SLC12A2: variants seen among roughly 807,000 people sequenced by gnomAD.
SLC12A2 encodes the protein solute carrier family 12 member 2.
In SLC12A2, 67 loss-of-function variants were observed where a neutral mutation model predicts 136.3. The ratio of observed to expected loss-of-function variants is 0.49; its 90% confidence interval spans 0.40 to 0.60. The LOEUF is 0.60. SLC12A2 is among the 20% of genes least tolerant of loss of function. The probability of loss-of-function intolerance (pLI) is 0.00; values close to 1 mark genes in which losing one functional copy is unlikely to be tolerated. For missense variants in SLC12A2, 1,322 were observed against 1,534.7 expected, an observed-to-expected ratio of 0.86 and a Z score of 2.32; for synonymous variants, 619 against 562.9, an observed-to-expected ratio of 1.10 and a Z score of -1.41.
intron 1 of SLC12A2, among the ~76,000 whole-genome samples, chr5:128,088,041 C>T (rs376504128): frequency 4.2e-5 from 2 of 47,830 alleles, no homozygotes; most frequent in African/African-American, 1.5e-4. Flanking sequence ...GTGTGTGTGT[C>T]TGTATATAAA....
In SLC12A2 at chr5:128,184,416, A is replaced by T; in HGVS notation, c.3350A>T (p.Asp1117Val). 2 of 1,601,386 alleles carry T rather than the reference A, an allele frequency of 1.2e-6. No homozygotes were observed. Among genetic ancestry groups the T allele is most frequent in the Non-Finnish European group, 1.7e-6 (2 of 1,171,914 alleles). The change falls in exon 25 of 27, where the codon GAT (aspartate) becomes GTT (valine). Residue 1117 changes from aspartate (D) to valine (V), a missense_variant. Physicochemically the swap from Asp to Val is radical, Grantham distance 152 (BLOSUM62 -3). Around this residue, in one of 8 missense-constraint regions of SLC12A2, gnomAD observed 172 missense variants for 227.4 expected, o/e 0.76. Transcript: ENST00000262461. ...GAGCCATACAGACTTCATGAAGATG[A>T]TAAAGAGCAAGATATTGCAGATAAA... Reference protein sequence around the residue: ...IIEPYRLHEDDKEQDIADKMK... With the variant: ...IIEPYRLHEDVKEQDIADKMK...
intron 14 of SLC12A2, 105 bp downstream of exon 14, chr5:128,151,501 T>C (rs1762700326): frequency 9.2e-7 from 1 of 1,083,500 alleles, no homozygotes; most frequent in South Asian, 1.6e-5. Context: ...ATCTTTTGTA[T>C]ATTTGAAAGC....
chr5:128,126,975 T>TAA (rs1561673714), intron 4 of SLC12A2, among the ~76,000 whole-genome samples: 1 of 130,682 alleles, frequency 7.7e-6, no homozygotes, highest in Non-Finnish European at 1.6e-5. Flanking sequence ...TATTTTTTTT[T>TAA]TTTTTTTTTT....
At position 128,124,387 on chromosome 5, in the gene SLC12A2, G is replaced by C. The variant is rs980617233; in HGVS notation, c.1049-6680G>C. 6.2e-4 allele frequency among the ~76,000 whole-genome samples: 94 copies of C among 152,196 alleles called. 1 individual carries two copies. The highest frequency in any genetic ancestry group is 2.2e-3 in the African/African-American group (92 of 41,438). On this transcript the variant is annotated intron_variant, in intron 4 of 26. Coordinates refer to ENST00000262461, the MANE Select transcript of SLC12A2 (RefSeq NM_001046.3). ...TCACAAGACTACTCCCACTTCAAAT[G>C]CCAGTTGCAATTCCAGGCCTCCTGT...
rs1387667371 is a variant in SLC12A2, at chr5:128,178,628, A to G, written c.3039A>G (p.Thr1013=). ...VADQKLLEAS[T]QFQKKQGKNT... ...ACCAAAAGCTTCTTGAAGCTAGTACACAGTTTCAGAAAAAACAAGGAAAGA... is the reference window on the plus strand; with the variant it reads ...ACCAAAAGCTTCTTGAAGCTAGTACGCAGTTTCAGAAAAAACAAGGAAAGA... Residue 1013 remains threonine (T), a synonymous_variant, in exon 22 of 27, where the codon ACA becomes ACG. Coordinates refer to ENST00000262461, the MANE Select transcript of SLC12A2 (RefSeq NM_001046.3). 7 of 1,602,106 alleles carry G rather than the reference A, an allele frequency of 4.4e-6. No individual in the cohort carries two copies. The highest frequency in any genetic ancestry group is 2.7e-5 in the African/African-American group (2 of 74,402).
In SLC12A2 at chr5:128,186,608, A is replaced by C. The variant is rs1763878178; in HGVS notation, c.3616A>C (p.Ser1206Arg). The change falls in exon 27 of 27, where the codon AGT (serine) becomes CGT (arginine). Residue 1206 changes from serine (S) to arginine (R), a missense_variant. Around this residue, in one of 8 missense-constraint regions of SLC12A2, gnomAD observed 172 missense variants for 227.4 expected, o/e 0.76. Coordinates refer to ENST00000262461, the MANE Select transcript of SLC12A2 (RefSeq NM_001046.3). ...CCTCCTAGTTCGTGGGAATCATCAGAGTGTCCTTACCTTCTATTCATAAAT... is the reference window on the plus strand; with the variant it reads ...CCTCCTAGTTCGTGGGAATCATCAGCGTGTCCTTACCTTCTATTCATAAAT... ...PILLVRGNHQ[S>R]VLTFYS 1 of 1,613,908 alleles carries C rather than the reference A, an allele frequency of 6.2e-7. No individual in the cohort carries two copies. The highest frequency in any genetic ancestry group is 1.7e-5 in the Admixed American group (1 of 59,994).
rs770396487 is a variant in SLC12A2, at chr5:128,186,516, A to G, written c.3524A>G (p.Lys1175Arg). 6.2e-7 allele frequency: 1 copy of G among 1,612,214 alleles called. No homozygotes were observed. The highest frequency in any genetic ancestry group is 1.1e-5 in the South Asian group (1 of 90,516). ...ACCAGGAGTCTCCCAGTTGCACGAAAAGGTGCTGTGTCTAGTGCTCTCTAC... is the reference window on the plus strand; with the variant it reads ...ACCAGGAGTCTCCCAGTTGCACGAAGAGGTGCTGTGTCTAGTGCTCTCTAC... Reference protein sequence around the residue: ...IIVMSLPVARKGAVSSALYMA... With the variant: ...IIVMSLPVARRGAVSSALYMA... The change falls in exon 27 of 27, where the codon AAA (lysine) becomes AGA (arginine). Residue 1175 changes from lysine (K) to arginine (R), a missense_variant. By Grantham distance (26) the Lys-to-Arg change is conservative. Around this residue, in one of 8 missense-constraint regions of SLC12A2, gnomAD observed 172 missense variants for 227.4 expected, o/e 0.76. Transcript: ENST00000262461.
intron 6 of SLC12A2, among the ~76,000 whole-genome samples, chr5:128,135,446 C>A (rs1762154158): frequency 6.6e-6 from 1 of 152,046 alleles, no homozygotes; most frequent in Non-Finnish European, 1.5e-5. Context: ...ACATCTTTAA[C>A]TCATTTCAGA....
chr5:128,092,081 GGACCCTAATCATTAGA>G (rs368340377), intron 1 of SLC12A2, among the ~76,000 whole-genome samples: 47 of 152,184 alleles, frequency 3.1e-4, no homozygotes, highest in African/African-American at 1.1e-3. Flanking sequence ...AAGACTTAGA[GGACCCTAATCATTAGA>G]GACCTGCCCT....
At chr5:128,176,887 G>A (rs1415344607) in intron 20 of SLC12A2, among the ~76,000 whole-genome samples, 2 of 151,952 alleles carry the variant, frequency 1.3e-5, no homozygotes, top group Non-Finnish European at 2.9e-5. Flanking sequence ...AAATTTAGGG[G>A]TGTTAGTCAT....
intron 5 of SLC12A2, among the ~76,000 whole-genome samples, chr5:128,131,449 G>A (rs778209182): frequency 3.4e-4 from 51 of 151,324 alleles, no homozygotes; most frequent in Non-Finnish European, 5.6e-4. Context: ...GGATCACGAG[G>A]TCAGGAGATC....
chr5:128,132,197 C>T (rs991353370), intron 5 of SLC12A2, among the ~76,000 whole-genome samples: 17 of 151,694 alleles, frequency 1.1e-4, no homozygotes, highest in African/African-American at 2.2e-4. Context: ...GACCATGGTA[C>T]GGAGAATGGA....
At chr5:128,164,267 C>G (rs1763133333) in intron 17 of SLC12A2, among the ~76,000 whole-genome samples, 1 of 152,066 alleles carries the variant, frequency 6.6e-6, no homozygotes, top group Non-Finnish European at 1.5e-5. Context: ...AATCACTGCT[C>G]TAGAAAGTCT....
intron 1 of SLC12A2, among the ~76,000 whole-genome samples, chr5:128,096,877 A>G (rs1760560213): frequency 6.6e-6 from 1 of 152,100 alleles, no homozygotes; most frequent in Non-Finnish European, 1.5e-5. Flanking sequence ...ACAGAAGATA[A>G]GAAAATCATG....
intron 26 of SLC12A2, 46 bp from the exon 27 acceptor site, chr5:128,186,450 C>T: frequency 6.5e-7 from 1 of 1,535,142 alleles, no homozygotes; most frequent in Non-Finnish European, 8.7e-7. Context: ...TCTGTAAATG[C>T]ATTGCTCAGG....
At chr5:128,090,199 CT>C (rs1935081325) in intron 1 of SLC12A2, among the ~76,000 whole-genome samples, 1 of 152,090 alleles carries the variant, frequency 6.6e-6, no homozygotes, top group Non-Finnish European at 1.5e-5. Flanking sequence ...TAGAAAACAG[CT>C]TTTAATTTTT....
chr5:128,111,747 A>G (rs1761152336), intron 1 of SLC12A2, among the ~76,000 whole-genome samples: 1 of 150,266 alleles, frequency 6.7e-6, no homozygotes, highest in South Asian at 2.1e-4. Flanking sequence ...CCTGGGTGAC[A>G]GAGCGAGACT....
intron 1 of SLC12A2, among the ~76,000 whole-genome samples, chr5:128,102,596 C>CCTTTTTTTTTTTTTTTTT (rs1561657602): frequency 2.5e-5 from 1 of 40,450 alleles, no homozygotes; most frequent in Non-Finnish European, 4.9e-5. Flanking sequence ...CCCCCCCCGC[C>CCTTTTTTTTTTTTTTTTT]TTTTTTTTTT....
intron 19 of SLC12A2, among the ~76,000 whole-genome samples, chr5:128,172,777 A>G (rs1489726443): frequency 6.6e-6 from 1 of 152,154 alleles, no homozygotes; most frequent in Non-Finnish European, 1.5e-5. Context: ...TCTGACCAGC[A>G]TGGTGAAGCC....
Sources: gnomAD v4.1 joint callset for allele counts (sites outside exome capture counted in the v4.1 genomes callset) on GRCh38, gnomAD v4.1.1 for gene constraint, gnomAD v4.1.1 regional missense constraint, MANE v1.5 for transcripts, NCBI Gene and HGNC (gene_info 2026-07-23, HGNC 2026-07-21) for gene names.